ROBO2: variants seen among roughly 807,000 people sequenced by gnomAD.
ROBO2 encodes the protein roundabout guidance receptor 2, also known as roundabout homolog 2.
Under a neutral mutation model 160.8 loss-of-function variants are expected in ROBO2, and 53 were observed. That is an observed-to-expected ratio of 0.33 (90% CI 0.26 to 0.41). The LOEUF (loss-of-function observed/expected upper bound fraction) is 0.41. ROBO2 is among the 10% of genes least tolerant of loss of function. The pLI, the probability that ROBO2 is intolerant of heterozygous loss-of-function variation, is 1.00. For missense variants in ROBO2, 1,577 were observed against 1,722.4 expected (o/e 0.92, Z 1.49); for synonymous variants, 664 against 611.7 (o/e 1.09, Z -1.26).
intron 2 of ROBO2, among the ~76,000 whole-genome samples, chr3:77,290,829 T>C (rs2061122127): frequency 1.1e-5 from 1 of 92,746 alleles, no homozygotes; most frequent in East Asian, 3.6e-4. Flanking sequence ...AAATTGATGG[T>C]TAAACGGGTA....
chr3:77,568,249 A>G, intron 12 of ROBO2, 64 bp from the exon 14 acceptor site: 1 of 1,572,380 alleles, frequency 6.4e-7, no homozygotes, highest in Non-Finnish European at 8.7e-7. Flanking sequence ...TGATTTACAT[A>G]AAATAAATTG....
At chr3:77,597,700 A>G (rs2094338884) in intron 19 of ROBO2, among the ~76,000 whole-genome samples, 1 of 127,364 alleles carries the variant, frequency 7.9e-6, no homozygotes, top group Admixed American at 8.5e-5. Context: ...TTTAAAAATG[A>G]GTCAAAAGTA....
At chr3:77,393,938 T>C (rs2075003496) in intron 2 of ROBO2, among the ~76,000 whole-genome samples, 1 of 152,154 alleles carries the variant, frequency 6.6e-6, no homozygotes, top group Non-Finnish European at 1.5e-5. Flanking sequence ...TATTTACAAT[T>C]GGAAGCTGAG....
At chr3:77,363,541 A>C (rs762834860) in intron 2 of ROBO2, among the ~76,000 whole-genome samples, 1 of 152,180 alleles carries the variant, frequency 6.6e-6, no homozygotes, top group Non-Finnish European at 1.5e-5. Context: ...AGACCCAAAG[A>C]TGTAGGGAAA....
At chr3:77,191,186 G>A (rs1403371424) in intron 2 of ROBO2, among the ~76,000 whole-genome samples, 1 of 152,058 alleles carries the variant, frequency 6.6e-6, no homozygotes, top group East Asian at 1.9e-4. Context: ...ATGTATTAAT[G>A]ACTTACTGGG....
At chr3:77,142,879 A>G (rs1438981371) in intron 2 of ROBO2, among the ~76,000 whole-genome samples, 2 of 152,164 alleles carry the variant, frequency 1.3e-5, no homozygotes, top group Non-Finnish European at 2.9e-5. Flanking sequence ...TGTCGCTAGT[A>G]GCCCTGTTTT....
chr3:76,090,448 A>C (rs2069185938), intron 2 of ROBO2, among the ~76,000 whole-genome samples: 1 of 152,080 alleles, frequency 6.6e-6, no homozygotes, highest in Non-Finnish European at 1.5e-5. Flanking sequence ...AACAAAAACA[A>C]AAAGCTAAAT....
At chr3:77,278,734 A>G (rs2060050376) in intron 2 of ROBO2, among the ~76,000 whole-genome samples, 1 of 152,198 alleles carries the variant, frequency 6.6e-6, no homozygotes, top group Non-Finnish European at 1.5e-5. Flanking sequence ...TATAAAAATC[A>G]GAGTTGACTA....
chr3:77,324,312 T>C (rs1187392907), intron 2 of ROBO2, among the ~76,000 whole-genome samples: 2 of 152,208 alleles, frequency 1.3e-5, no homozygotes, highest in East Asian at 3.9e-4. Flanking sequence ...CCTTAAGTGC[T>C]ACTAAAAGGT....
intron 2 of ROBO2, among the ~76,000 whole-genome samples, chr3:77,216,954 A>G (rs1237850414): frequency 6.6e-6 from 1 of 152,144 alleles, no homozygotes; most frequent in Non-Finnish European, 1.5e-5. Flanking sequence ...ATTCTTCTCA[A>G]CCTGAAAATG....
At chr3:76,394,395 G>T (rs375708487) in intron 2 of ROBO2, among the ~76,000 whole-genome samples, 12 of 152,090 alleles carry the variant, frequency 7.9e-5, no homozygotes, top group East Asian at 1.9e-4. Flanking sequence ...AAGCTTAGTT[G>T]GGCTGGATAT....
intron 2 of ROBO2, among the ~76,000 whole-genome samples, chr3:75,979,465 TAA>T (rs1364140162): frequency 1.3e-5 from 2 of 151,510 alleles, no homozygotes; most frequent in African/African-American, 4.8e-5. Context: ...CAAGAATGGA[TAA>T]GTTTATCTAG....
chr3:76,137,447 G>A (rs185032962), intron 2 of ROBO2, among the ~76,000 whole-genome samples: 10 of 151,978 alleles, frequency 6.6e-5, no homozygotes, highest in East Asian at 3.9e-4. Context: ...CAATTTTTCC[G>A]AAATAGACTA....
intron 2 of ROBO2, among the ~76,000 whole-genome samples, chr3:76,298,755 A>T (rs1709211125): frequency 6.6e-6 from 1 of 152,208 alleles, no homozygotes. Context: ...TTGGTTAGTC[A>T]TAGAGCCAGG....
intron 2 of ROBO2, among the ~76,000 whole-genome samples, chr3:76,921,254 G>GTTAAT (rs1268785680): frequency 1.6e-4 from 24 of 152,278 alleles, no homozygotes; most frequent in African/African-American, 5.3e-4. Flanking sequence ...AATTTCTCTT[G>GTTAAT]TGAATTTTCT....
rs10691388 is a variant in ROBO2 at position 76,127,894 on chromosome 3, C to CTTTTTT, written c.109+190306_109+190311dup. On this transcript the variant is annotated intron_variant, in intron 2 of 26. Transcript: ENST00000487694. ...GAACTGTATGTTCTTGAAGACATTT[C>CTTTTTT]TTTTTTTTTTTTTTTTTTTGAGACG... Among the ~76,000 whole-genome samples, 32 of 117,620 alleles carry CTTTTTT rather than the reference C, an allele frequency of 2.7e-4. 3 individuals are homozygous for CTTTTTT. The highest frequency in any genetic ancestry group is 4.2e-4 in the Admixed American group (4 of 9,550). The allele number at this position is 117,620 out of a possible 152,430, so 77.2% of individuals were successfully genotyped here.
At chr3:77,288,304 G>A (rs2153382198) in intron 2 of ROBO2, among the ~76,000 whole-genome samples, 1 of 152,274 alleles carries the variant, frequency 6.6e-6, no homozygotes, top group East Asian at 1.9e-4. Flanking sequence ...GTTAACATAA[G>A]GCAAAAACAT....
intron 2 of ROBO2, among the ~76,000 whole-genome samples, chr3:76,174,273 A>T (rs149025114): frequency 3.7e-4 from 57 of 152,310 alleles, no homozygotes; most frequent in African/African-American, 1.3e-3. Flanking sequence ...GACCTTTGTC[A>T]GATGGATCTG....
intron 2 of ROBO2, among the ~76,000 whole-genome samples, chr3:75,947,303 T>C (rs1184434457): frequency 6.6e-6 from 1 of 152,100 alleles, no homozygotes; most frequent in Non-Finnish European, 1.5e-5. Flanking sequence ...GTGAGTTAGA[T>C]AATCATAGCC....
Sources: gnomAD v4.1 joint callset for allele counts (sites outside exome capture counted in the v4.1 genomes callset) on GRCh38, gnomAD v4.1.1 for gene constraint, MANE v1.5 for transcripts, NCBI Gene and HGNC (gene_info 2026-07-23, HGNC 2026-07-21) for gene names.